Variants in PLSCR5 observed in about 807,000 individuals in gnomAD.
The protein encoded by PLSCR5 is phospholipid scramblase family, member 5.
In PLSCR5, 44 loss-of-function variants were observed where a neutral mutation model predicts 33.6. That is an observed-to-expected ratio of 1.31 (90% CI 1.03 to 1.69). The LOEUF is 1.69. Among genes scored for constraint, PLSCR5 ranks in the 40% most tolerant of loss-of-function variants. The pLI, the probability that PLSCR5 is intolerant of heterozygous loss-of-function variation, is 0.00. For missense variants in PLSCR5, 375 were observed against 318.7 expected (o/e 1.18, Z -1.34); for synonymous variants, 148 against 112.3 (o/e 1.32, Z -2.01).
In PLSCR5 at chr3:146,591,709, G is replaced by T; in HGVS notation, c.615+11C>A. The T allele has an allele frequency of 6.3e-7, 1 of 1,599,902 alleles. No individual in the cohort carries two copies. Among genetic ancestry groups the T allele is most frequent in the Non-Finnish European group, 8.5e-7 (1 of 1,174,070 alleles). On this transcript the variant is annotated intron_variant, in intron 5 of 7. Coordinates refer to ENST00000443512, the MANE Select transcript of PLSCR5 (RefSeq NM_001085420.2). ...CCTAAATGAAAACTTCTTTCATTTT[G>T]TCAATTGTACCTCAAAATCCACATC...
At chr3:146,586,156 A>C in intron 6 of PLSCR5, 44 bp from the exon 7 acceptor site, 1 of 1,414,216 alleles carries the variant, frequency 7.1e-7, no homozygotes, top group South Asian at 1.5e-5. Flanking sequence ...ACAAAAAGAC[A>C]ACAATTAAGA....
At chr3:146,583,286 A>C (rs1398303558), downstream of PLSCR5, among the ~76,000 whole-genome samples, 3 of 152,178 alleles carry the variant, frequency 2.0e-5, no homozygotes, top group African/African-American at 7.2e-5. Flanking sequence ...GGGTCTACTT[A>C]TTGGCATGTA....
intron 2 of PLSCR5, among the ~76,000 whole-genome samples, chr3:146,595,730 C>G (rs1221906214): frequency 6.6e-6 from 1 of 152,176 alleles, no homozygotes; most frequent in East Asian, 1.9e-4. Flanking sequence ...TAAACAATCT[C>G]TGAATTATAA....
chr3:146,581,895 C>T (rs923118605), downstream of PLSCR5, among the ~76,000 whole-genome samples: 5 of 152,074 alleles, frequency 3.3e-5, no homozygotes, highest in East Asian at 9.6e-4. Context: ...TGAAGTAAAC[C>T]AGAAATTATT....
At chr3:146,604,650 C>CT (rs1347644838) in intron 1 of PLSCR5, among the ~76,000 whole-genome samples, 2 of 152,020 alleles carry the variant, frequency 1.3e-5, no homozygotes, top group African/African-American at 4.8e-5. Context: ...ACTGGATTGT[C>CT]TGTAACTCAA....
chr3:146,593,805 T>C (rs1269550310), intron 4 of PLSCR5, 115 bp downstream of exon 4: 11 of 939,476 alleles, frequency 1.2e-5, no homozygotes, highest in African/African-American at 1.7e-5. Flanking sequence ...CAACATACTA[T>C]TAATAATTAA....
At chr3:146,584,274 T>C (rs542682153), downstream of PLSCR5, among the ~76,000 whole-genome samples, 1 of 152,292 alleles carries the variant, frequency 6.6e-6, no homozygotes, top group South Asian at 2.1e-4. Context: ...AGGGAAGGAA[T>C]GCTAAGCTCT....
At chr3:146,603,833 GT>G (rs2044840517) in intron 1 of PLSCR5, among the ~76,000 whole-genome samples, 2 of 149,926 alleles carry the variant, frequency 1.3e-5, no homozygotes, top group South Asian at 4.2e-4. Context: ...ATTTGTCAAG[GT>G]TTTTTGTTTA....
chr3:146,601,131 C>T (rs1224123202), intron 1 of PLSCR5, among the ~76,000 whole-genome samples: 1 of 151,322 alleles, frequency 6.6e-6, no homozygotes, highest in Non-Finnish European at 1.5e-5. Context: ...GAGAAGACAT[C>T]TGTTTTCTAT....
chr3:146,600,293 T>TTAAATATTCTAGACCAGGAGGGAGAC lies in PLSCR5; in HGVS notation c.158_183dup (p.Ser62ValfsTer6), dbSNP rs1433104272. The TTAAATATTCTAGACCAGGAGGGAGAC allele has an allele frequency of 6.3e-7, 1 of 1,575,408 alleles. No individual in the cohort carries two copies. Among genetic ancestry groups the TTAAATATTCTAGACCAGGAGGGAGAC allele is most frequent in the African/African-American group, 1.4e-5 (1 of 74,014 alleles). On this transcript the variant is annotated stop_gained and frameshift_variant, in exon 2 of 8. Transcript: ENST00000443512. LOFTEE classifies it high-confidence loss of function. ...TAATAGAAAGATAAAAACACCTGGCTTAAATATTCTAGACCAGGAGGGAGA... is the reference window on the plus strand; with the variant it reads ...TAATAGAAAGATAAAAACACCTGGCTTAAATATTCTAGACCAGGAGGGAGACTAAATATTCTAGACCAGGAGGGAGA...
intron 2 of PLSCR5, among the ~76,000 whole-genome samples, chr3:146,598,077 T>G (rs1053666544): frequency 7.2e-5 from 11 of 152,184 alleles, no homozygotes; most frequent in African/African-American, 2.7e-4. Flanking sequence ...CACTCATATA[T>G]GTATATTTTC....
At chr3:146,601,949 G>T (rs755164312) in intron 1 of PLSCR5, among the ~76,000 whole-genome samples, 3 of 151,706 alleles carry the variant, frequency 2.0e-5, no homozygotes, top group Non-Finnish European at 4.4e-5. Context: ...TAACCTTAAG[G>T]TTGTACGAAT....
In PLSCR5 at chr3:146,595,076, A is replaced by T; in HGVS notation, c.197T>A (p.Leu66Gln). The T allele has an allele frequency of 7.0e-7, 1 of 1,430,254 alleles. No individual in the cohort carries two copies. Among genetic ancestry groups the T allele is most frequent in the Non-Finnish European group, 9.3e-7 (1 of 1,076,684 alleles). 88.6% of individuals were successfully genotyped at this position (1,430,254 alleles called of 1,614,324 possible). The stretch of plus-strand genomic sequence containing the variant: ...CTCCACCTGCTGGTGTATAATTATC[A>T]GGTCTAACTGTAAAGGATGACATAA... The part of the protein sequence containing the change: ...PGLEYLSQLD[L>Q]IIIHQQVELL... The change falls in exon 3 of 8, where the codon CTG becomes CAG. Residue 66 changes from leucine (L) to glutamine (Q), a missense_variant. Physicochemically the swap from Leu to Gln is moderately radical, Grantham distance 113. Transcript: ENST00000443512.
chr3:146,589,125 T>C (rs2044688415), intron 6 of PLSCR5, among the ~76,000 whole-genome samples: 1 of 152,184 alleles, frequency 6.6e-6, no homozygotes, highest in Admixed American at 6.5e-5. Context: ...GTTTTCAATA[T>C]AATTGTAAGT....
intron 4 of PLSCR5, 22 bp downstream of exon 4, chr3:146,593,898 A>G (rs779034119): frequency 3.1e-6 from 5 of 1,595,764 alleles, no homozygotes; most frequent in Non-Finnish European, 4.3e-6. Context: ...ATCAAAAAGG[A>G]CAACCAGAGC....
downstream of PLSCR5, among the ~76,000 whole-genome samples, chr3:146,584,559 T>C (rs17432667): frequency 0.15 from 23,326 of 152,176 alleles, 1,951 homozygotes; most frequent in Non-Finnish European, 0.19. Flanking sequence ...TAAACTACTC[T>C]GCCTCAGGTA....
At chr3:146,598,975 G>A (rs1224171728) in intron 2 of PLSCR5, among the ~76,000 whole-genome samples, 1 of 152,176 alleles carries the variant, frequency 6.6e-6, no homozygotes, top group Non-Finnish European at 1.5e-5. Flanking sequence ...TACCTTAAGG[G>A]AATTAACACA....
intron 1 of PLSCR5, among the ~76,000 whole-genome samples, chr3:146,601,541 A>G (rs1224783380): frequency 6.6e-6 from 1 of 152,196 alleles, no homozygotes; most frequent in Non-Finnish European, 1.5e-5. Context: ...TTATGAAGAC[A>G]AGTAAATCAG....
At chr3:146,598,072 A>G (rs1481798691) in intron 2 of PLSCR5, among the ~76,000 whole-genome samples, 1 of 152,286 alleles carries the variant, frequency 6.6e-6, no homozygotes, top group Admixed American at 6.5e-5. Flanking sequence ...CTAAACACTC[A>G]TATATGTATA....
Sources: gnomAD v4.1 joint callset for allele counts (sites outside exome capture counted in the v4.1 genomes callset) on GRCh38, gnomAD v4.1.1 for gene constraint, MANE v1.5 for transcripts, NCBI Gene and HGNC (gene_info 2026-07-23, HGNC 2026-07-21) for gene names.